ADD3: variants seen among roughly 807,000 people sequenced by gnomAD.
ADD3 encodes adducin 3.
Under a neutral mutation model 80.2 loss-of-function variants are expected in ADD3, and 25 were observed. That is an observed-to-expected ratio of 0.31 (90% confidence interval 0.23 to 0.44). The LOEUF (loss-of-function observed/expected upper bound fraction) is 0.44, where lower values mean the gene tolerates loss of function less well. Ranked by LOEUF, ADD3 falls within the 20% of genes least tolerant of loss-of-function variation. The probability of loss-of-function intolerance (pLI) is 1.00; values close to 1 mark genes in which losing one functional copy is unlikely to be tolerated. For missense variants in ADD3, 829 were observed against 847.5 expected, an observed-to-expected ratio of 0.98 and a Z score of 0.27; for synonymous variants, 284 against 289.6, an observed-to-expected ratio of 0.98 and a Z score of 0.20.
chr10:110,041,425 C>T (rs892560159), intron 1 of ADD3, among the ~76,000 whole-genome samples: 1 of 152,060 alleles, frequency 6.6e-6, no homozygotes, highest in African/African-American at 2.4e-5. Flanking sequence ...CCATTTCAAT[C>T]CCGGCCCTGC....
At chr10:110,083,515 CA>C (rs539312327) in intron 1 of ADD3, among the ~76,000 whole-genome samples, 41 of 135,354 alleles carry the variant, frequency 3.0e-4, no homozygotes, top group South Asian at 6.9e-4. Flanking sequence ...GACTCCGTCT[CA>C]AAAAAAAAAA....
At chr10:110,129,861 T>A (rs1237445535) in intron 12 of ADD3, among the ~76,000 whole-genome samples, 2 of 152,148 alleles carry the variant, frequency 1.3e-5, no homozygotes, top group African/African-American at 4.8e-5. Context: ...TTAGTGGGGT[T>A]TTGGGAGGGA....
chr10:110,036,242 G>A (rs928544834), intron 1 of ADD3, among the ~76,000 whole-genome samples: 1 of 152,078 alleles, frequency 6.6e-6, no homozygotes, highest in Non-Finnish European at 1.5e-5. Context: ...CATCTATAGT[G>A]AGGCAGCATT....
chr10:110,092,218 G>C (rs192032317), intron 1 of ADD3, among the ~76,000 whole-genome samples: 1 of 152,150 alleles, frequency 6.6e-6, no homozygotes, highest in Non-Finnish European at 1.5e-5. Flanking sequence ...TTTACTGGGT[G>C]TATACCCAAA....
intron 1 of ADD3, among the ~76,000 whole-genome samples, chr10:110,099,503 C>T (rs1848562491): frequency 6.6e-6 from 1 of 151,910 alleles, no homozygotes; most frequent in East Asian, 1.9e-4. Flanking sequence ...ATTTGACTAG[C>T]GTGTATTAAA....
intron 1 of ADD3, among the ~76,000 whole-genome samples, chr10:110,063,136 G>GT (rs1211074065): frequency 6.6e-6 from 1 of 152,080 alleles, no homozygotes; most frequent in Non-Finnish European, 1.5e-5. Context: ...GATTTTAAGT[G>GT]TTTTGTGAAT....
At chr10:110,062,932 G>T (rs1859107024) in intron 1 of ADD3, among the ~76,000 whole-genome samples, 1 of 152,194 alleles carries the variant, frequency 6.6e-6, no homozygotes, top group African/African-American at 2.4e-5. Context: ...CCTGAAATGT[G>T]TTAGTCTTGA....
rs11194949 is a variant in ADD3, at chr10:110,009,378, T to G, written c.-30+1079T>G. ...TGGCTTCTGACTACATAGTGCAGGG[T>G]ACGTTCCTAATTTTGGCTTTAGAAG... On this transcript the variant is annotated intron_variant, in intron 1 of 14. Transcript: ENST00000356080. 4.7e-3 allele frequency among the ~76,000 whole-genome samples: 714 copies of G among 152,288 alleles called. 11 individuals are homozygous for G. Among genetic ancestry groups the G allele is most frequent in the African/African-American group, 0.016 (660 of 41,542 alleles).
chr10:110,097,569 TTA>T (rs1175148839), intron 1 of ADD3, among the ~76,000 whole-genome samples: 8 of 152,174 alleles, frequency 5.3e-5, no homozygotes, highest in Non-Finnish European at 1.0e-4. Context: ...CATGTTGTAA[TTA>T]TCAGTTTCAG....
At chr10:110,014,570 G>A (rs925692737) in intron 1 of ADD3, among the ~76,000 whole-genome samples, 1 of 152,056 alleles carries the variant, frequency 6.6e-6, no homozygotes, top group Admixed American at 6.5e-5. Context: ...TTGTTGCCCA[G>A]GCTGGAGTGC....
chr10:110,028,752 G>A (rs1854615971), intron 1 of ADD3, among the ~76,000 whole-genome samples: 1 of 151,974 alleles, frequency 6.6e-6, no homozygotes, highest in Admixed American at 6.6e-5. Context: ...AATGAGTTTT[G>A]CTAATTTTAT....
At chr10:110,024,392 T>C (rs1467948207) in intron 1 of ADD3, among the ~76,000 whole-genome samples, 1 of 152,242 alleles carries the variant, frequency 6.6e-6, no homozygotes, top group African/African-American at 2.4e-5. Flanking sequence ...AGAATTATTT[T>C]TGCTATGTGA....
chr10:110,112,930 G>A lies in ADD3; in HGVS notation c.334+15G>A. 6.2e-7 allele frequency: 1 copy of A among 1,611,426 alleles called. No individual in the cohort carries two copies. Among genetic ancestry groups the A allele is most frequent in the African/African-American group, 1.3e-5 (1 of 74,854 alleles). On this transcript the variant is annotated intron_variant, in intron 3 of 14. Coordinates refer to ENST00000356080, the MANE Select transcript of ADD3 (RefSeq NM_016824.5). ...ACCTCCTCTCAGTATGTCAGTTTTG[G>A]AGAGTTTTAAACATTATAATTTTAC...
chr10:110,002,302 C>G (rs902932446), upstream of ADD3, among the ~76,000 whole-genome samples: 2 of 151,908 alleles, frequency 1.3e-5, no homozygotes, highest in Non-Finnish European at 1.5e-5. Context: ...GAGACGGAGT[C>G]TCGCTCTGTC....
rs1417634010 is a variant in ADD3, at chr10:110,126,522, A to G, written c.1608+19A>G. ...ACCTTCTGTAAGTTTATGAAGTAGTATGATCTTTGTTTTTTATTTACCACA... is the reference window on the plus strand; with the variant it reads ...ACCTTCTGTAAGTTTATGAAGTAGTGTGATCTTTGTTTTTTATTTACCACA... On this transcript the variant is annotated intron_variant, in intron 12 of 14. Transcript: ENST00000356080. 9 of 1,546,348 alleles carry G rather than the reference A, an allele frequency of 5.8e-6. No individual in the cohort carries two copies. Among genetic ancestry groups the G allele is most frequent in the South Asian group, 2.3e-5 (2 of 86,376 alleles).
chr10:110,122,095 T>A lies in ADD3; in HGVS notation c.961-15T>A, dbSNP rs1851581837. On this transcript the variant is annotated splice_polypyrimidine_tract_variant and intron_variant, in intron 8 of 14. Transcript: ENST00000356080. ...TATAGTTTTGTGTCTCTGTATATTT[T>A]ACCATTGATTACAGGTGCAGGCCCT... The A allele has an allele frequency of 1.3e-6, 2 of 1,596,134 alleles. No individual in the cohort carries two copies. Among genetic ancestry groups the A allele is most frequent in the Non-Finnish European group, 1.7e-6 (2 of 1,171,846 alleles).
At position 110,130,418 on chromosome 10, in the gene ADD3, G is replaced by A. The variant is rs1304787948; in HGVS notation, c.1664G>A (p.Ser555Asn). Reference sequence around the variant, plus strand: ...CCACCAGCTCCTCCTAACCCATTTAGTCATCTCACAGAAGGAGAACTTGAA... The same window carrying A: ...CCACCAGCTCCTCCTAACCCATTTAATCATCTCACAGAAGGAGAACTTGAA... ...HGPPAPPNPF[S>N]HLTEGELEEY... The change falls in exon 13 of 15, where the codon AGT (serine) becomes AAT (asparagine). Residue 555 changes from serine (S) to asparagine (N), a missense_variant. Physicochemically the swap from Ser to Asn is conservative, Grantham distance 46 (BLOSUM62 1). Coordinates refer to ENST00000356080, the MANE Select transcript of ADD3 (RefSeq NM_016824.5). The A allele has an allele frequency of 1.2e-6, 2 of 1,614,038 alleles. No individual in the cohort carries two copies. Among genetic ancestry groups the A allele is most frequent in the South Asian group, 2.2e-5 (2 of 91,082 alleles).
chr10:110,003,308 T>G (rs1851524660), upstream of ADD3, among the ~76,000 whole-genome samples: 1 of 151,702 alleles, frequency 6.6e-6, no homozygotes, highest in African/African-American at 2.4e-5. Context: ...TAAGGGTGTG[T>G]GTGTGTGTGT....
chr10:110,126,543 C>A (rs1368673810), intron 12 of ADD3, 40 bp downstream of exon 12: 5 of 1,347,030 alleles, frequency 3.7e-6, no homozygotes, highest in Non-Finnish European at 5.3e-6. Flanking sequence ...TTTTTATTTA[C>A]CACATTAATT....
Sources: gnomAD v4.1 joint callset for allele counts (sites outside exome capture counted in the v4.1 genomes callset) on GRCh38, gnomAD v4.1.1 for gene constraint, MANE v1.5 for transcripts, NCBI Gene and HGNC (gene_info 2026-07-23, HGNC 2026-07-21) for gene names.